The following CTNNA3 variants were observed in gnomAD, a reference collection of about 807,000 sequenced individuals.
CTNNA3 encodes the protein catenin alpha 3.
Under a neutral mutation model 95.7 loss-of-function variants are expected in CTNNA3, and 76 were observed. That is an observed-to-expected ratio of 0.79 (90% CI 0.66 to 0.96). The LOEUF is 0.96. Among genes scored for constraint, CTNNA3 ranks in the 40% least tolerant of loss-of-function variants. CTNNA3 has a pLI of 0.00. For synonymous variants in CTNNA3, 431 were observed against 374.4 expected (o/e 1.15, Z -1.74); for missense variants, 1,191 against 1,089.8 (o/e 1.09, Z -1.31).
chr10:66,671,127 A>G (rs1032235643), intron 9 of CTNNA3, among the ~76,000 whole-genome samples: 1 of 152,210 alleles, frequency 6.6e-6, no homozygotes, highest in African/African-American at 2.4e-5. Flanking sequence ...ATAAATTAAG[A>G]ACCAAACTGC....
chr10:66,990,421 T>C (rs1203474466), intron 7 of CTNNA3, among the ~76,000 whole-genome samples: 1 of 152,210 alleles, frequency 6.6e-6, no homozygotes, highest in Non-Finnish European at 1.5e-5. Flanking sequence ...CCACCCATTA[T>C]TGAACATATT....
intron 10 of CTNNA3, among the ~76,000 whole-genome samples, chr10:66,594,084 C>T (rs551140997): frequency 3.3e-5 from 5 of 152,080 alleles, no homozygotes; most frequent in Non-Finnish European, 1.5e-5. Context: ...ACTGACCAAA[C>T]GGAATTTGTT....
intron 7 of CTNNA3, among the ~76,000 whole-genome samples, chr10:66,970,639 C>T (rs1849668998): frequency 1.3e-5 from 2 of 152,008 alleles, no homozygotes; most frequent in South Asian, 2.1e-4. Flanking sequence ...CTCAAATATC[C>T]ATGAAATATA....
At chr10:66,121,722 TC>T (rs2133818372) in intron 13 of CTNNA3, among the ~76,000 whole-genome samples, 1 of 152,164 alleles carries the variant, frequency 6.6e-6, no homozygotes, top group Non-Finnish European at 1.5e-5. Flanking sequence ...ATGCCTGTGG[TC>T]CCAACTACTT....
chr10:66,479,849 C>T (rs560879735), intron 11 of CTNNA3, among the ~76,000 whole-genome samples: 1 of 151,832 alleles, frequency 6.6e-6, no homozygotes, highest in South Asian at 2.1e-4. Context: ...GTTTTATGTG[C>T]CCTACAAGAT....
chr10:67,642,350 AC>A (rs1432722980), intron 2 of CTNNA3, among the ~76,000 whole-genome samples: 4 of 152,120 alleles, frequency 2.6e-5, no homozygotes, highest in Non-Finnish European at 5.9e-5. Context: ...GAAAAAAAAA[AC>A]ATTAAAAAGT....
intron 5 of CTNNA3, among the ~76,000 whole-genome samples, chr10:67,336,317 T>G (rs1238144097): frequency 6.6e-6 from 1 of 152,198 alleles, no homozygotes; most frequent in Non-Finnish European, 1.5e-5. Context: ...AAACATTTCC[T>G]TAAGCCAAAA....
At position 66,766,412 on chromosome 10, in the gene CTNNA3, C is replaced by G; in HGVS notation, c.1133G>C (p.Arg378Pro). 6.2e-7 allele frequency: 1 copy of G among 1,603,938 alleles called. No individual in the cohort carries two copies. The highest frequency in any genetic ancestry group is 8.5e-7 in the Non-Finnish European group (1 of 1,175,100). Residue 378 changes from arginine to proline, a missense_variant, in exon 9 of 18, where the codon CGC becomes CCC. By Grantham distance (103) the Arg-to-Pro change is moderately radical. Transcript: ENST00000433211. Reference protein sequence around the residue: ...KKTRDLRRQLRKAIIDHVSDS... With the variant: ...KKTRDLRRQLPKAIIDHVSDS... ...TGACACATGATCTATAATAGCCTTG[C>G]GGAGCTGAGAAGAAATGAAAAATTC...
chr10:66,093,650 A>G (rs1388871496), intron 14 of CTNNA3, among the ~76,000 whole-genome samples: 1 of 152,128 alleles, frequency 6.6e-6, no homozygotes, highest in Non-Finnish European at 1.5e-5. Flanking sequence ...GGACTTCGGC[A>G]AACAAGCAGA....
chr10:66,419,413 A>G (rs956729365), intron 11 of CTNNA3, among the ~76,000 whole-genome samples: 3 of 152,256 alleles, frequency 2.0e-5, no homozygotes, highest in Admixed American at 2.0e-4. Context: ...ATGTAAAGAC[A>G]TCCCATGTTC....
At chr10:67,104,268 A>G (rs977676585) in intron 7 of CTNNA3, among the ~76,000 whole-genome samples, 7 of 151,856 alleles carry the variant, frequency 4.6e-5, no homozygotes, top group Non-Finnish European at 1.0e-4. Context: ...GGCTTGAGCT[A>G]CAGAATATTT....
At chr10:67,095,848 C>T (rs907578722) in intron 7 of CTNNA3, among the ~76,000 whole-genome samples, 4 of 151,874 alleles carry the variant, frequency 2.6e-5, no homozygotes, top group Non-Finnish European at 4.4e-5. Context: ...CAAATCTATT[C>T]ATGCTGCACA....
chr10:67,216,749 T>C (rs1029800391), intron 6 of CTNNA3, among the ~76,000 whole-genome samples: 4 of 152,236 alleles, frequency 2.6e-5, no homozygotes, highest in Admixed American at 6.5e-5. Context: ...TTAGTTCTTG[T>C]GTACCACAAT....
rs151060575 is a variant in CTNNA3, at chr10:66,596,176, C to T, written c.1374+25516G>A. ...AGGAACAGGGTAAGGGGGTAGGGGC[C>T]GTGGCAGCCTGTATGAATATCTCAA... On this transcript the variant is annotated intron_variant, in intron 10 of 17. Transcript: ENST00000433211. Among the ~76,000 whole-genome samples the T allele has an allele frequency of 5.9e-3, 892 of 151,940 alleles. 8 individuals carry two copies. Among genetic ancestry groups the T allele is most frequent in the African/African-American group, 0.021 (853 of 41,418 alleles).
At chr10:66,834,921 C>T (rs746249962) in intron 7 of CTNNA3, among the ~76,000 whole-genome samples, 10 of 152,232 alleles carry the variant, frequency 6.6e-5, no homozygotes, top group Non-Finnish European at 1.5e-4. Context: ...TAAGTAAATT[C>T]TATTCAAAGA....
intron 15 of CTNNA3, among the ~76,000 whole-genome samples, chr10:65,999,627 T>C (rs961017451): frequency 1.3e-5 from 2 of 152,180 alleles, no homozygotes; most frequent in South Asian, 2.1e-4. Flanking sequence ...AATGAGTCTA[T>C]ATCATGCCAA....
chr10:65,998,142 A>G (rs1478149499), intron 15 of CTNNA3, among the ~76,000 whole-genome samples: 1 of 152,216 alleles, frequency 6.6e-6, no homozygotes, highest in African/African-American at 2.4e-5. Context: ...GGTAGGAAAA[A>G]AGCAAGAAGT....
At chr10:67,353,130 C>T (rs1265482278) in intron 5 of CTNNA3, among the ~76,000 whole-genome samples, 2 of 151,962 alleles carry the variant, frequency 1.3e-5, no homozygotes, top group African/African-American at 4.8e-5. Context: ...ACATATTCAC[C>T]TGTCTGAATG....
intron 6 of CTNNA3, among the ~76,000 whole-genome samples, chr10:67,188,339 A>G (rs1014727315): frequency 2.6e-5 from 4 of 152,126 alleles, no homozygotes; most frequent in Non-Finnish European, 5.9e-5. Flanking sequence ...TACAAAAAAT[A>G]TAAAAGTTAG....
Sources: gnomAD v4.1 joint callset for allele counts (sites outside exome capture counted in the v4.1 genomes callset) on GRCh38, gnomAD v4.1.1 for gene constraint, MANE v1.5 for transcripts, NCBI Gene and HGNC (gene_info 2026-07-23, HGNC 2026-07-21) for gene names.